The following PIEZO2 variants were observed in gnomAD, a reference collection of about 807,000 sequenced individuals.
The protein encoded by PIEZO2 is piezo type mechanosensitive ion channel component 2.
PIEZO2 carries 172 observed loss-of-function variants against 337.3 expected under a neutral mutation model. The ratio of observed to expected loss-of-function variants is 0.51; its 90% CI spans 0.45 to 0.58. The LOEUF (loss-of-function observed/expected upper bound fraction) is 0.58. Ranked by LOEUF, PIEZO2 falls within the 20% of genes least tolerant of loss-of-function variation. The pLI is 0.00. For missense variants in PIEZO2, 3,028 were observed against 3,391.3 expected, an observed-to-expected ratio of 0.89 and a Z score of 2.66; for synonymous variants, 1,251 against 1,228.5, an observed-to-expected ratio of 1.02 and a Z score of -0.38.
intron 14 of PIEZO2, among the ~76,000 whole-genome samples, chr18:10,789,574 A>G (rs1443436333): frequency 6.6e-6 from 1 of 152,268 alleles, no homozygotes; most frequent in Admixed American, 6.5e-5. Context: ...AGTTTACAAG[A>G]AAATAAATTT....
chr18:10,994,794 CCT>C (rs1165141452), intron 2 of PIEZO2, among the ~76,000 whole-genome samples: 6 of 151,902 alleles, frequency 3.9e-5, no homozygotes, highest in Admixed American at 6.5e-5. Flanking sequence ...AGAATTGTTC[CCT>C]GTTTGCCAGG....
chr18:11,122,081 G>A (rs890507201), intron 1 of PIEZO2, among the ~76,000 whole-genome samples: 3 of 152,042 alleles, frequency 2.0e-5, no homozygotes, highest in African/African-American at 7.2e-5. Context: ...AGCCTCCCCG[G>A]CAGCTGGGAC....
chr18:10,724,641 G>A lies in PIEZO2; in HGVS notation c.5030-6382C>T, dbSNP rs1351641187. The A allele has an allele frequency of 1.4e-6, 1 of 726,906 alleles. No individual in the cohort carries two copies. Among genetic ancestry groups the A allele is most frequent in the African/African-American group, 1.8e-5 (1 of 56,836 alleles). The allele number at this position is 726,906 out of a possible 1,614,324, so 45.0% of individuals were successfully genotyped here. A position where few individuals can be genotyped will look rare whatever the true frequency, so the allele number is the denominator to read the frequency against. On this transcript the variant is annotated intron_variant, in intron 36 of 55. Coordinates refer to ENST00000674853, the MANE Select transcript of PIEZO2 (RefSeq NM_001378183.1). The surrounding 1 kb of genome is among the most constrained non-coding windows in gnomAD (Gnocchi z 5.8). ...GAATGGTGCTGGACTCGGGGTCTCA[G>A]GCGTATGATCAGGCACCCACCAGCC... is the stretch of plus-strand genomic sequence containing the variant.
chr18:10,988,593 T>C lies in PIEZO2; in HGVS notation c.161-8933A>G, dbSNP rs2145538127. On this transcript the variant is annotated intron_variant, in intron 2 of 55. Coordinates refer to ENST00000674853, the MANE Select transcript of PIEZO2 (RefSeq NM_001378183.1). The surrounding 1 kb of genome is among the most constrained non-coding windows in gnomAD (Gnocchi z 4.8). ...CCCACTTCTGGGTATACATTCAAAA[T>C]AACTGAAATCAGGATGTCAAAAACC... Among the ~76,000 whole-genome samples the C allele has an allele frequency of 6.6e-6, 1 of 152,250 alleles. No homozygotes were observed. Among genetic ancestry groups the C allele is most frequent in the African/African-American group, 2.4e-5 (1 of 41,564 alleles).
rs1001010453 is a variant in PIEZO2 at position 10,871,449 on chromosome 18, T to A, written c.330-34A>T. ...GAAAAACAAGGGGAGGGGAAAAAAA[T>A]TTAGTTCTTATATTTCTACGGTTAA... is the stretch of plus-strand genomic sequence containing the variant. On this transcript the variant is annotated intron_variant, in intron 4 of 55. Coordinates refer to ENST00000674853, the MANE Select transcript of PIEZO2 (RefSeq NM_001378183.1). The A allele has an allele frequency of 3.3e-6, 5 of 1,514,490 alleles. No homozygotes were observed. In the South Asian group the frequency reaches 4.9e-5, roughly 15 times the overall value. The allele number at this position is 1,514,490 out of a possible 1,614,324, so 93.8% of individuals were successfully genotyped here.
rs1468971010 is a variant in PIEZO2 at position 10,781,289 on chromosome 18, T to TG, written c.2493-924dup. Among the ~76,000 whole-genome samples the TG allele has an allele frequency of 4.6e-5, 7 of 151,798 alleles. No individual in the cohort carries two copies. The highest frequency in any genetic ancestry group is 1.7e-4 in the African/African-American group (7 of 41,316). ...TTCGATACCAGCCTGGCCAATATGG[T>TG]GAAACCCCCGTCTCTATTAAAAATA... On this transcript the variant is annotated intron_variant, in intron 17 of 55. Coordinates refer to ENST00000674853, the MANE Select transcript of PIEZO2 (RefSeq NM_001378183.1). The surrounding 1 kb of genome is among the most constrained non-coding windows in gnomAD (Gnocchi z 4.1).
At position 10,852,992 on chromosome 18, in the gene PIEZO2, T is replaced by A. The variant is rs1368977813; in HGVS notation, c.917+2361A>T. On this transcript the variant is annotated intron_variant, in intron 7 of 55. Transcript: ENST00000674853. ...TACAGAAAAAAAACAAAACTGGTGA[T>A]CAACAGTTTCCCGATAAGACTTCAG... 2.0e-5 allele frequency among the ~76,000 whole-genome samples: 3 copies of A among 152,138 alleles called. No individual in the cohort carries two copies. The East Asian group carries it at 5.8e-4, about 29-fold the overall frequency.
At chr18:10,801,332 T>C in intron 10 of PIEZO2, 58 bp downstream of exon 10, 1 of 1,376,300 alleles carries the variant, frequency 7.3e-7, no homozygotes, top group Non-Finnish European at 9.9e-7. Flanking sequence ...GCTACTTCCA[T>C]TTGTTGCCTT....
chr18:11,023,791 C>T lies in PIEZO2; in HGVS notation c.160+42336G>A, dbSNP rs535894660. Among the ~76,000 whole-genome samples the T allele has an allele frequency of 8.5e-5, 13 of 152,322 alleles. No individual in the cohort carries two copies. In the South Asian group the frequency reaches 1.9e-3, roughly 22 times the overall value. On this transcript the variant is annotated intron_variant, in intron 2 of 55. Transcript: ENST00000674853. ...GGGCTGCAGGTCCCGAACCCTGCCC[C>T]GCTGGGAGGCAGCTAAGGCCCGGCG...
At chr18:11,137,781 T>C (rs759686409) in intron 1 of PIEZO2, among the ~76,000 whole-genome samples, 12 of 152,222 alleles carry the variant, frequency 7.9e-5, no homozygotes, top group Admixed American at 3.3e-4. Flanking sequence ...AGGGTCTTCA[T>C]CCTTCTTCCT....
chr18:11,068,541 T>A (rs1255919169), intron 1 of PIEZO2, among the ~76,000 whole-genome samples: 1 of 151,598 alleles, frequency 6.6e-6, no homozygotes, highest in Non-Finnish European at 1.5e-5. Context: ...CAAAAGCAGT[T>A]CTAAGAGAGA....
intron 2 of PIEZO2, among the ~76,000 whole-genome samples, chr18:11,061,850 T>G (rs1415170781): frequency 6.6e-6 from 1 of 152,160 alleles, no homozygotes; most frequent in South Asian, 2.1e-4. Flanking sequence ...AATTTATAGA[T>G]TCAATGCCAT....
intron 49 of PIEZO2, among the ~76,000 whole-genome samples, chr18:10,686,604 C>T (rs1457994064): frequency 1.3e-5 from 2 of 152,192 alleles, no homozygotes; most frequent in East Asian, 3.8e-4. Context: ...GATGAACAGA[C>T]ACTGAGCTTG....
chr18:10,741,190 C>G (rs1568006120), intron 32 of PIEZO2, 88 bp from the exon 33 acceptor site: 5 of 1,250,586 alleles, frequency 4.0e-6, no homozygotes, highest in African/African-American at 3.0e-5. Context: ...ATTGTCAAAT[C>G]TAGGTAAATT....
rs1415435909 is a variant in PIEZO2 at position 10,716,117 on chromosome 18, G to A, written c.5090-301C>T. Reference sequence around the variant, plus strand: ...CTTGAACATGGGTTTGGACAGCGTGGATCCACTCTACGCGTGGATTGTTTT... The same window carrying A: ...CTTGAACATGGGTTTGGACAGCGTGAATCCACTCTACGCGTGGATTGTTTT... On this transcript the variant is annotated intron_variant, in intron 37 of 55. Transcript: ENST00000674853. This position sits in a 1 kb window ranked among gnomAD's most constrained non-coding sequence, Gnocchi z 4.1. Among the ~76,000 whole-genome samples the A allele has an allele frequency of 1.3e-5, 2 of 152,176 alleles. No homozygotes were observed. The highest frequency in any genetic ancestry group is 2.9e-5 in the Non-Finnish European group (2 of 68,042).
chr18:10,985,020 T>C (rs1162236879), intron 2 of PIEZO2, among the ~76,000 whole-genome samples: 4 of 152,072 alleles, frequency 2.6e-5, no homozygotes, highest in African/African-American at 9.7e-5. Context: ...AACAAAGACT[T>C]TCCCAGAAAG....
At chr18:10,926,143 G>A (rs899613088) in intron 3 of PIEZO2, among the ~76,000 whole-genome samples, 1 of 152,186 alleles carries the variant, frequency 6.6e-6, no homozygotes, top group Non-Finnish European at 1.5e-5. Flanking sequence ...GAGTAGACTT[G>A]AGTCAGGGTG....
rs185011435 is a variant in PIEZO2, at chr18:10,811,676, T to G, written c.918-4402A>C. Among the ~76,000 whole-genome samples the G allele has an allele frequency of 5.3e-5, 8 of 152,294 alleles. No individual in the cohort carries two copies. In the East Asian group the frequency reaches 1.5e-3, roughly 29 times the overall value. The stretch of plus-strand genomic sequence containing the variant: ...AAGAGGGTAACAAAGGCAACAAAAG[T>G]GCACTTTTATTTACCTAAAGTGTAT... On this transcript the variant is annotated intron_variant, in intron 7 of 55. Coordinates refer to ENST00000674853, the MANE Select transcript of PIEZO2 (RefSeq NM_001378183.1).
At chr18:10,744,252 T>A in intron 30 of PIEZO2, 21 bp from the exon 31 acceptor site, 2 of 1,414,456 alleles carry the variant, frequency 1.4e-6, no homozygotes, top group Non-Finnish European at 9.7e-7. Context: ...AGTGGAAACA[T>A]GAACAAGTCA....
Sources: allele counts gnomAD v4.1 joint callset (sites outside exome capture counted in the v4.1 genomes callset), GRCh38; gene constraint gnomAD v4.1.1; non-coding constraint Gnocchi (gnomAD v3.1); transcripts MANE v1.5; gene names NCBI Gene and HGNC (gene_info 2026-07-23, HGNC 2026-07-21).